The following GALNTL5 variants were observed in gnomAD, a reference collection of about 807,000 sequenced individuals.
GALNTL5 encodes the protein polypeptide N-acetylgalactosaminyltransferase like 5, also known as inactive polypeptide N-acetylgalactosaminyltransferase-like protein 5.
Under a neutral mutation model 51.0 loss-of-function variants are expected in GALNTL5, and 44 were observed. The ratio of observed to expected loss-of-function variants is 0.86; its 90% CI spans 0.68 to 1.11. GALNTL5 has a LOEUF of 1.11. Among genes scored for constraint, GALNTL5 ranks in the 50% least tolerant of loss-of-function variants. The pLI is 0.00. For synonymous variants in GALNTL5, 192 were observed against 182.8 expected, an observed-to-expected ratio of 1.05 and a Z score of -0.41; for missense variants, 528 against 531.8, an observed-to-expected ratio of 0.99 and a Z score of 0.07.
chr7:151,977,208 AAC>A (rs1243633497), intron 3 of GALNTL5, among the ~76,000 whole-genome samples: 5 of 152,196 alleles, frequency 3.3e-5, no homozygotes, highest in Non-Finnish European at 5.9e-5. Flanking sequence ...GATTTAAGCA[AAC>A]ACACACTACA....
intron 1 of GALNTL5, among the ~76,000 whole-genome samples, chr7:151,966,577 G>A (rs1189715151): frequency 6.6e-6 from 1 of 152,150 alleles, no homozygotes; most frequent in Non-Finnish European, 1.5e-5. Context: ...CCAGTGTCTA[G>A]TTTTCACTAT....
chr7:151,980,666 A>G (rs1166475862), intron 3 of GALNTL5, among the ~76,000 whole-genome samples: 1 of 151,120 alleles, frequency 6.6e-6, no homozygotes, highest in African/African-American at 2.4e-5. Context: ...CAGGATGCCC[A>G]TAGGATTGCC....
chr7:151,964,464 G>C (rs1328172061), intron 1 of GALNTL5, among the ~76,000 whole-genome samples: 1 of 152,110 alleles, frequency 6.6e-6, no homozygotes, highest in Non-Finnish European at 1.5e-5. Flanking sequence ...TCGTGAGAGT[G>C]AGTAAGTCTC....
chr7:151,977,400 A>G (rs1286732730), intron 3 of GALNTL5, among the ~76,000 whole-genome samples: 1 of 152,214 alleles, frequency 6.6e-6, no homozygotes, highest in East Asian at 1.9e-4. Flanking sequence ...ATAGCTGGGT[A>G]CGAACTTATG....
At chr7:152,013,484 C>G (rs2081765569) in intron 7 of GALNTL5, among the ~76,000 whole-genome samples, 1 of 152,104 alleles carries the variant, frequency 6.6e-6, no homozygotes, top group Non-Finnish European at 1.5e-5. Context: ...TTCTCATAAT[C>G]CATTGTATCG....
chr7:151,995,390 T>TTTTTTTTTTTTTTTTTTTTTTTG (rs2081486806), intron 5 of GALNTL5: 1 of 97,846 alleles, frequency 1.0e-5, no homozygotes, highest in African/African-American at 3.8e-5. Flanking sequence ...TTTTTTTTTT[T>TTTTTTTTTTTTTTTTTTTTTTTG]GCATGGGAGC....
intron 7 of GALNTL5, among the ~76,000 whole-genome samples, chr7:152,013,284 C>A (rs2081762897): frequency 1.3e-5 from 2 of 151,936 alleles, no homozygotes; most frequent in South Asian, 4.2e-4. Context: ...TGCTCAAAAC[C>A]CCCAGACATG....
At position 151,996,194 on chromosome 7, in the gene GALNTL5, CT is replaced by C. The variant is rs201649422; in HGVS notation, c.659-6511del. Reference sequence around the variant, plus strand: ...TGACACAGATTTTGCACACCACATTCTTTTTTTTTAATTTTATTTTATTATT... The same window carrying C: ...TGACACAGATTTTGCACACCACATTCTTTTTTTTAATTTTATTTTATTATT... On this transcript the variant is annotated intron_variant, in intron 5 of 8. Transcript: ENST00000392800. Among the ~76,000 whole-genome samples, 1,208 of 151,360 alleles carry C rather than the reference CT, an allele frequency of 8.0e-3. 13 individuals are homozygous for C. The highest frequency in any genetic ancestry group is 0.027 in the African/African-American group (1,095 of 41,250).
intron 5 of GALNTL5, among the ~76,000 whole-genome samples, chr7:151,997,403 C>T: frequency 6.6e-6 from 1 of 152,160 alleles, no homozygotes. Context: ...TTTAGGTTTC[C>T]ACAAAATATT....
At chr7:151,961,063 G>A (rs1488675082) in intron 1 of GALNTL5, among the ~76,000 whole-genome samples, 1 of 152,176 alleles carries the variant, frequency 6.6e-6, no homozygotes, top group East Asian at 1.9e-4. Flanking sequence ...ATGGGGGCGT[G>A]TGCCTATAGC....
intron 6 of GALNTL5, among the ~76,000 whole-genome samples, chr7:152,003,890 C>T (rs10260619): frequency 0.33 from 49,926 of 151,916 alleles, 8,738 homozygotes; most frequent in Non-Finnish European, 0.4. Context: ...AAACTGTATT[C>T]CTAATATTTA....
chr7:152,008,747 T>TTTGA (rs2081687420), intron 7 of GALNTL5, among the ~76,000 whole-genome samples: 1 of 152,062 alleles, frequency 6.6e-6, no homozygotes, highest in Non-Finnish European at 1.5e-5. Context: ...TGTTTGTTTG[T>TTTGA]TTGCTTGCTT....
chr7:152,019,092 T>A (rs1004939129), intron 8 of GALNTL5, among the ~76,000 whole-genome samples: 2 of 152,166 alleles, frequency 1.3e-5, no homozygotes, highest in Non-Finnish European at 1.5e-5. Context: ...TGACACTTAG[T>A]ATGTGCCAAC....
intron 2 of GALNTL5, 151 bp from the exon 3 acceptor site, chr7:151,970,794 C>A: frequency 1.8e-6 from 1 of 551,164 alleles, no homozygotes; most frequent in Non-Finnish European, 3.2e-6. Flanking sequence ...CCACCTTTGC[C>A]AAGAATTATT....
chr7:151,982,907 G>A (rs574597863), intron 3 of GALNTL5, 79 bp from the exon 4 acceptor site: 49 of 1,610,406 alleles, frequency 3.0e-5, no homozygotes, highest in Non-Finnish European at 3.7e-5. Context: ...ATGCAAATAA[G>A]GAGAAGTGTT....
At chr7:151,995,337 A>C (rs1172700803) in intron 5 of GALNTL5, 2 of 138,126 alleles carry the variant, frequency 1.4e-5, no homozygotes, top group Non-Finnish European at 3.1e-5. Flanking sequence ...ATCTACGATC[A>C]GTTGGTATGA....
At chr7:152,007,482 G>A (rs1005279105) in intron 6 of GALNTL5, among the ~76,000 whole-genome samples, 1 of 139,456 alleles carries the variant, frequency 7.2e-6, no homozygotes, top group Non-Finnish European at 1.5e-5. Context: ...GCTGTGGCAC[G>A]ATCTCAGCTC....
intron 3 of GALNTL5, 70 bp downstream of exon 3, chr7:151,971,135 A>G (rs1351779911): frequency 1.6e-6 from 2 of 1,288,776 alleles, no homozygotes; most frequent in African/African-American, 1.5e-5. Context: ...AGATAGATAG[A>G]TAGAAAGAAA....
chr7:152,008,090 C>T (rs1586851058), intron 7 of GALNTL5, 146 bp downstream of exon 7: 2 of 571,012 alleles, frequency 3.5e-6, no homozygotes, highest in Admixed American at 3.3e-5. Context: ...TTATGGGGCT[C>T]CTTGTAAAAA....
Sources: allele counts gnomAD v4.1 joint callset (sites outside exome capture counted in the v4.1 genomes callset), GRCh38; gene constraint gnomAD v4.1.1; transcripts MANE v1.5; gene names NCBI Gene and HGNC (gene_info 2026-07-23, HGNC 2026-07-21).